Variants in CSMD3 observed in about 807,000 individuals in gnomAD.
The protein encoded by CSMD3 is CUB and sushi domain-containing protein 3.
CSMD3 carries 177 observed loss-of-function variants against 435.2 expected under a neutral mutation model. That is an observed-to-expected ratio of 0.41 (90% CI 0.36 to 0.46). CSMD3 has a LOEUF of 0.46. CSMD3 is among the 20% of genes least tolerant of loss of function. CSMD3 has a pLI of 0.34. For missense variants in CSMD3, 4,265 were observed against 4,504.6 expected (o/e 0.95, Z 1.52); for synonymous variants, 1,656 against 1,520.5 (o/e 1.09, Z -2.07).
At chr8:112,253,876 G>A (rs1283649054) in intron 63 of CSMD3, among the ~76,000 whole-genome samples, 1 of 151,854 alleles carries the variant, frequency 6.6e-6, no homozygotes, top group Non-Finnish European at 1.5e-5. Context: ...TGTCTCAGAA[G>A]TCTCTCCTTT....
chr8:112,410,410 G>T (rs1490581858), intron 32 of CSMD3, among the ~76,000 whole-genome samples: 1 of 148,642 alleles, frequency 6.7e-6, no homozygotes, highest in African/African-American at 2.5e-5. Flanking sequence ...TGGTTTACAA[G>T]TCATACAAAC....
chr8:112,743,925 G>A (rs1408771997), intron 13 of CSMD3, among the ~76,000 whole-genome samples: 2 of 151,918 alleles, frequency 1.3e-5, no homozygotes, highest in Non-Finnish European at 1.5e-5. Flanking sequence ...ATAAACAGAT[G>A]TACAAGCAAG....
At chr8:113,205,281 C>T (rs1182060422) in intron 3 of CSMD3, among the ~76,000 whole-genome samples, 1 of 152,106 alleles carries the variant, frequency 6.6e-6, no homozygotes, top group African/African-American at 2.4e-5. Context: ...CCGTGGCCGG[C>T]AGGGAACTCC....
At chr8:113,218,157 G>C (rs1436124057) in intron 3 of CSMD3, among the ~76,000 whole-genome samples, 1 of 149,296 alleles carries the variant, frequency 6.7e-6, no homozygotes, top group Non-Finnish European at 1.5e-5. Flanking sequence ...ATTCAAGTAA[G>C]CTCTAAGTGA....
chr8:112,321,802 C>T (rs2130878435), intron 45 of CSMD3, among the ~76,000 whole-genome samples: 1 of 152,212 alleles, frequency 6.6e-6, no homozygotes, highest in Non-Finnish European at 1.5e-5. Flanking sequence ...CACCACTGTA[C>T]AGAAGGGTTA....
In CSMD3 at chr8:112,281,242, A is replaced by G. The variant is rs747717746; in HGVS notation, c.9440T>C (p.Leu3147Pro). 2.8e-5 allele frequency: 45 copies of G among 1,613,288 alleles called. No homozygotes were observed. Among genetic ancestry groups the G allele is most frequent in the Non-Finnish European group, 3.8e-5 (45 of 1,179,450 alleles). Reference sequence around the variant, plus strand: ...GCACTGTCTAACTGAAGGTCCAGAAAGGATGTATCCCTCCATGCAGGAATA... The same window carrying G: ...GCACTGTCTAACTGAAGGTCCAGAAGGGATGTATCCCTCCATGCAGGAATA... ...VIYSCMEGYI[L>P]SGPSVRQCTA... is the part of the protein sequence containing the mutation. The change falls in exon 59 of 71, where the codon CTT (leucine) becomes CCT (proline). Residue 3147 changes from leucine (L) to proline (P), a missense_variant. Leu to Pro is a moderately conservative substitution (Grantham distance 98). Coordinates refer to ENST00000297405, the MANE Select transcript of CSMD3 (RefSeq NM_198123.2).
intron 10 of CSMD3, among the ~76,000 whole-genome samples, chr8:112,863,066 CT>C (rs1047372458): frequency 1.2e-4 from 18 of 151,852 alleles, no homozygotes; most frequent in African/African-American, 4.3e-4. Context: ...TCAATTTTTT[CT>C]TGCTGATCTA....
chr8:113,205,399 G>A (rs564721111), intron 3 of CSMD3, among the ~76,000 whole-genome samples: 41 of 152,156 alleles, frequency 2.7e-4, no homozygotes, highest in Non-Finnish European at 4.3e-4. Context: ...CCTACAACAC[G>A]TGGGAATTCA....
chr8:112,853,028 A>G (rs1302226028), intron 11 of CSMD3, among the ~76,000 whole-genome samples: 1 of 152,172 alleles, frequency 6.6e-6, no homozygotes, highest in Non-Finnish European at 1.5e-5. Flanking sequence ...TTACATTTCA[A>G]ATAGTAGTTC....
At chr8:112,383,702 A>G in intron 36 of CSMD3, 39 bp from the exon 37 acceptor site, 1 of 1,182,862 alleles carries the variant, frequency 8.5e-7, no homozygotes, top group Non-Finnish European at 1.3e-6. Context: ...ACACATTTCT[A>G]ACCAGATACA....
intron 60 of CSMD3, among the ~76,000 whole-genome samples, chr8:112,264,553 A>T (rs1386026857): frequency 6.6e-6 from 1 of 152,058 alleles, no homozygotes; most frequent in Non-Finnish European, 1.5e-5. Flanking sequence ...TATCAGTATG[A>T]ATTAATAAGT....
chr8:113,198,781 G>T (rs2092687426), intron 3 of CSMD3, among the ~76,000 whole-genome samples: 2 of 150,992 alleles, frequency 1.3e-5, no homozygotes, highest in Non-Finnish European at 3.0e-5. Context: ...TTTGGAAACT[G>T]CAGCCCATTT....
chr8:113,314,388 T>A (rs2093893955), intron 2 of CSMD3, 183 bp downstream of exon 2: 1 of 597,908 alleles, frequency 1.7e-6, no homozygotes, highest in African/African-American at 1.9e-5. Context: ...GTACTAGCAA[T>A]ATGACATCAG....
At chr8:112,881,793 G>A (rs888401870) in intron 10 of CSMD3, among the ~76,000 whole-genome samples, 1 of 151,928 alleles carries the variant, frequency 6.6e-6, no homozygotes, top group African/African-American at 2.4e-5. Context: ...AAGAGAAAAA[G>A]GAACAAATTC....
At chr8:112,829,430 G>A (rs945397410) in intron 12 of CSMD3, among the ~76,000 whole-genome samples, 3 of 152,086 alleles carry the variant, frequency 2.0e-5, no homozygotes, top group Admixed American at 1.3e-4. Flanking sequence ...AGAACTATAA[G>A]AAATACATTT....
intron 23 of CSMD3, among the ~76,000 whole-genome samples, chr8:112,575,198 T>C (rs909624880): frequency 5.9e-5 from 9 of 152,028 alleles, no homozygotes; most frequent in Non-Finnish European, 1.3e-4. Context: ...GGCTCCTAAA[T>C]GTTCTCTTCT....
intron 10 of CSMD3, among the ~76,000 whole-genome samples, chr8:112,883,040 TGAAG>T (rs2081490944): frequency 6.6e-6 from 1 of 151,832 alleles, no homozygotes; most frequent in South Asian, 2.1e-4. Context: ...CTGGTAAATG[TGAAG>T]GGAGTGGTGA....
At chr8:112,611,533 A>C (rs1478825634) in intron 22 of CSMD3, among the ~76,000 whole-genome samples, 1 of 152,192 alleles carries the variant, frequency 6.6e-6, no homozygotes, top group Admixed American at 6.5e-5. Flanking sequence ...TTTTAAAATA[A>C]ATAATGAGAA....
chr8:112,387,566 A>G (rs1478651414), intron 36 of CSMD3, among the ~76,000 whole-genome samples: 1 of 151,902 alleles, frequency 6.6e-6, no homozygotes, highest in Non-Finnish European at 1.5e-5. Context: ...GGTTAATTAG[A>G]AAAAGGTCCT....
Sources: allele counts gnomAD v4.1 joint callset (sites outside exome capture counted in the v4.1 genomes callset), GRCh38; gene constraint gnomAD v4.1.1; transcripts MANE v1.5; gene names NCBI Gene and HGNC (gene_info 2026-07-23, HGNC 2026-07-21).